The following MUC6 variants were observed in gnomAD, a reference collection of about 807,000 sequenced individuals.
MUC6 encodes the protein mucin-6.
Under a neutral mutation model 201.5 loss-of-function variants are expected in MUC6, and 188 were observed. The observed-to-expected ratio is 0.93, with a 90% CI of 0.83 to 1.05. The LOEUF is 1.05. Among genes scored for constraint, MUC6 ranks in the 50% least tolerant of loss-of-function variants. MUC6 has a pLI of 0.00. For missense variants in MUC6, 2,706 were observed against 3,256.9 expected (o/e 0.83, Z 4.12); for synonymous variants, 1,228 against 1,389.4 (o/e 0.88, Z 2.58).
rs904522843 is a variant in MUC6, at chr11:1,033,438, G to A, written c.53-363C>T. On this transcript the variant is annotated intron_variant, in intron 1 of 32. Transcript: ENST00000421673. This position sits in a 1 kb window ranked among gnomAD's most constrained non-coding sequence, Gnocchi z 5.6. ...CTGGTGCGGGTGGCAGGGGCTTGGC[G>A]GCGGAGCCAACAAAGTGGGCTGTGC... 5.3e-5 allele frequency among the ~76,000 whole-genome samples: 8 copies of A among 152,082 alleles called. No individual in the cohort carries two copies. Among genetic ancestry groups the A allele is most frequent in the Admixed American group, 3.3e-4 (5 of 15,280 alleles).
Position 1,013,380 on chromosome 11 carries a change from G to C in MUC6, c.*76C>G. 1 of 1,420,616 alleles carries C rather than the reference G, an allele frequency of 7.0e-7. No homozygotes were observed. Among genetic ancestry groups the C allele is most frequent in the South Asian group, 1.4e-5 (1 of 72,996 alleles). The allele number at this position is 1,420,616 out of a possible 1,614,324, so 88.0% of individuals were successfully genotyped here. On this transcript the variant is annotated 3_prime_UTR_variant, in exon 33 of 33. Coordinates refer to ENST00000421673, the MANE Select transcript of MUC6 (RefSeq NM_005961.3). ...CAGGAAAGCAGCTGCTGGCACAAGC[G>C]GGAAGGGGGCTGGTGGGTGTTTTCC...
intron 7 of MUC6, 35 bp from the exon 8 acceptor site, chr11:1,030,370 A>ACCCCCCCCCCCCCCCCCCTCCCCC: frequency 5.0e-6 from 5 of 992,834 alleles, no homozygotes; most frequent in African/African-American, 2.4e-5. Context: ...AGAGGGTCCC[A>ACCCCCCCCCCCCCCCCCCTCCCCC]CCCCCCCCAC....
rs549993870 is a variant in MUC6, at chr11:1,026,035, C to T, written c.2653G>A (p.Val885Ile). 28 of 1,589,958 alleles carry T rather than the reference C, an allele frequency of 1.8e-5. No homozygotes were observed. Among genetic ancestry groups the T allele is most frequent in the Middle Eastern group, 1.7e-4 (1 of 6,036 alleles). The change falls in exon 21 of 33, where the codon GTA becomes ATA. Residue 885 changes from valine (V) to isoleucine (I), a missense_variant. This residue lies in a region of MUC6 where 1,850 missense variants were observed against 1,958.3 expected (regional missense o/e 0.94). Coordinates refer to ENST00000421673, the MANE Select transcript of MUC6 (RefSeq NM_005961.3). ...ATGTACTCGCAGTTGCCGTCGAATA[C>T]GAAGCGCTGGCCGTCGAAGGTGATG... is the stretch of plus-strand genomic sequence containing the variant. ...HVITFDGQRFVFDGNCEYILA... is the reference protein window; with the variant it reads ...HVITFDGQRFIFDGNCEYILA...
Position 1,025,923 on chromosome 11 carries a change from G to C in MUC6, c.2689-8C>G. Reference sequence around the variant, plus strand: ...GTTGACACCACAGACGTCCTGCAGGGAGAGGGCGCTGAGGAGGAGCCCTGG... The same window carrying C: ...GTTGACACCACAGACGTCCTGCAGGCAGAGGGCGCTGAGGAGGAGCCCTGG... On this transcript the variant is annotated splice_region_variant and splice_polypyrimidine_tract_variant and intron_variant, in intron 21 of 32. Transcript: ENST00000421673. The C allele has an allele frequency of 6.2e-7, 1 of 1,606,444 alleles. No homozygotes were observed. Among genetic ancestry groups the C allele is most frequent in the Non-Finnish European group, 8.5e-7 (1 of 1,176,908 alleles).
At position 1,018,581 on chromosome 11, in the gene MUC6, T is replaced by C; in HGVS notation, c.4220A>G (p.His1407Arg). ...YTTPQTPHTT[H>R]SPPTAGSPVP... is the part of the protein sequence containing the mutation. ...GGGACTCCCCGCCGTAGGCGGGGAG[T>C]GTGTGGTGTGTGGGGTTTGGGGCGT... Residue 1407 changes from histidine (H) to arginine (R), a missense_variant, in exon 31 of 33, where the codon CAC (histidine) becomes CGC (arginine). Physicochemically the swap from His to Arg is conservative, Grantham distance 29 (BLOSUM62 0). Transcript: ENST00000421673. 9.3e-6 allele frequency: 15 copies of C among 1,610,684 alleles called. No individual in the cohort carries two copies. Among genetic ancestry groups the C allele is most frequent in the Non-Finnish European group, 1.3e-5 (15 of 1,179,062 alleles).
Position 1,026,018 on chromosome 11 carries a change from G to A in MUC6, c.2670C>T (p.Cys890=), listed in dbSNP as rs754352374. Residue 890 remains cysteine, a synonymous_variant, in exon 21 of 33, where the codon TGC becomes TGT. Transcript: ENST00000421673. Reference sequence around the variant, plus strand: ...TGGTTACCGTGGCCAGGATGTACTCGCAGTTGCCGTCGAATACGAAGCGCT... The same window carrying A: ...TGGTTACCGTGGCCAGGATGTACTCACAGTTGCCGTCGAATACGAAGCGCT... ...DGQRFVFDGN[C]EYILATDVCG... 13 of 1,587,508 alleles carry A rather than the reference G, an allele frequency of 8.2e-6. No homozygotes were observed. The highest frequency in any genetic ancestry group is 2.3e-5 in the East Asian group (1 of 43,558).
At position 1,015,353 on chromosome 11, in the gene MUC6, C is replaced by T. The variant is rs73393718; in HGVS notation, c.7039+409G>A. 1.0e-3 allele frequency among the ~76,000 whole-genome samples: 152 copies of T among 152,310 alleles called. 1 individual carries two copies. The highest frequency in any genetic ancestry group is 3.6e-3 in the African/African-American group (149 of 41,566). On this transcript the variant is annotated intron_variant, in intron 31 of 32. Coordinates refer to ENST00000421673, the MANE Select transcript of MUC6 (RefSeq NM_005961.3). ...CCAGACTTTTGTGTCTCTCTCTGCA[C>T]TTGGAGGAAGGGCTGTGCTGCTTGA...
Position 1,018,778 on chromosome 11 carries a change from A to C in MUC6, c.4031-8T>G, listed in dbSNP as rs1232011639. 6.5e-7 allele frequency: 1 copy of C among 1,550,030 alleles called. No homozygotes were observed. Among genetic ancestry groups the C allele is most frequent in the East Asian group, 2.3e-5 (1 of 44,252 alleles). On this transcript the variant is annotated splice_region_variant and splice_polypyrimidine_tract_variant and intron_variant, in intron 30 of 32. Coordinates refer to ENST00000421673, the MANE Select transcript of MUC6 (RefSeq NM_005961.3). ...CCTGATTGGTCGATTTTGCTGTGGG[A>C]ATTGGTGAAGTTGTCATCGTTATTG...
At chr11:1,028,622 C>A in intron 13 of MUC6, 24 bp downstream of exon 13, 7 of 1,601,692 alleles carry the variant, frequency 4.4e-6, no homozygotes, top group Non-Finnish European at 3.4e-6. Flanking sequence ...GGCAACAGGG[C>A]CACCTGGAGA....
At chr11:1,021,099 C>T (rs12798548) in intron 27 of MUC6, 116 bp downstream of exon 27, 77,937 of 1,028,210 alleles carry the variant, frequency 0.076, 3,248 homozygotes, top group Middle Eastern at 0.1. Context: ...AGTCCCAGAG[C>T]TCACGTAAGG....
intron 25 of MUC6, 48 bp from the exon 26 acceptor site, chr11:1,023,700 T>C: frequency 1.9e-6 from 3 of 1,604,514 alleles, no homozygotes; most frequent in Non-Finnish European, 2.6e-6. Context: ...GCCCTGGCCC[T>C]GGCCCTGACC....
chr11:1,020,409 C>T (rs1001715915), intron 28 of MUC6, among the ~76,000 whole-genome samples, 152 bp from the exon 29 acceptor site: 1 of 152,184 alleles, frequency 6.6e-6, no homozygotes, highest in Non-Finnish European at 1.5e-5. Flanking sequence ...CTGAGTGCAG[C>T]CTGGCTCCTG....
At position 1,015,838 on chromosome 11, in the gene MUC6, G is replaced by A. The variant is rs539371657; in HGVS notation, c.6963C>T (p.Ser2321=). 463 of 1,592,524 alleles carry A rather than the reference G, an allele frequency of 2.9e-4. 6 individuals carry two copies. The South Asian group carries it at 5.1e-3, about 17-fold the overall frequency. Residue 2321 remains serine (S), a synonymous_variant, in exon 31 of 33, where the codon AGC becomes AGT. Coordinates refer to ENST00000421673, the MANE Select transcript of MUC6 (RefSeq NM_005961.3). ...GGGTGCTTCCATGGGCAGTGAGGGAGCTGGTCAGGAACCGTGTGGTAGGCG... is the reference window on the plus strand; with the variant it reads ...GGGTGCTTCCATGGGCAGTGAGGGAACTGGTCAGGAACCGTGTGGTAGGCG... ...TLSPTTRFLT[S]SLTAHGSTPA...
Position 1,028,336 on chromosome 11 carries a change from A to C in MUC6, c.1643T>G (p.Met548Arg). 5 of 1,612,614 alleles carry C rather than the reference A, an allele frequency of 3.1e-6. No individual in the cohort carries two copies. In the South Asian group the frequency reaches 4.4e-5, roughly 14 times the overall value. Residue 548 changes from methionine to arginine, a missense_variant, in exon 14 of 33, where the codon ATG becomes AGG. Physicochemically the swap from Met to Arg is moderately conservative, Grantham distance 91. Around this residue, in one of 10 missense-constraint regions of MUC6, gnomAD observed 1,850 missense variants for 1,958.3 expected, o/e 0.94. Transcript: ENST00000421673. Reference sequence around the variant, plus strand: ...CGAGGCGGTGCCCTCGGCGATACCCATGCTAGTGGTGAAGTCATCCGTTGT... The same window carrying C: ...CGAGGCGGTGCCCTCGGCGATACCCCTGCTAGTGGTGAAGTCATCCGTTGT... ...GDTTDDFTTS[M>R]GIAEGTASLF...
At chr11:1,014,621 G>A (rs1010618714) in intron 31 of MUC6, among the ~76,000 whole-genome samples, 7 of 152,318 alleles carry the variant, frequency 4.6e-5, no homozygotes, top group Non-Finnish European at 8.8e-5. Context: ...TGGCAGCGTT[G>A]GCATTAGAAA....
intron 31 of MUC6, among the ~76,000 whole-genome samples, chr11:1,015,186 G>C (rs1294644475): frequency 6.7e-6 from 1 of 150,152 alleles, no homozygotes; most frequent in Non-Finnish European, 1.5e-5. Context: ...CATGGCCTGG[G>C]GAGCAGTGGA....
In MUC6 at chr11:1,030,600, G is replaced by C. The variant is rs201798430; in HGVS notation, c.865C>G (p.Arg289Gly). Residue 289 changes from arginine to glycine, a missense_variant, in exon 7 of 33, where the codon CGC (arginine) becomes GGC (glycine). Physicochemically the swap from Arg to Gly is moderately radical, Grantham distance 125. Around this residue, in one of 10 missense-constraint regions of MUC6, gnomAD observed 1,850 missense variants for 1,958.3 expected, o/e 0.94. Coordinates refer to ENST00000421673, the MANE Select transcript of MUC6 (RefSeq NM_005961.3). ...CACAGGCCGGGGCTCCGCCAGCGGCGGACCGGCTGGCCCACCATGCTGCAC... is the reference window on the plus strand; with the variant it reads ...CACAGGCCGGGGCTCCGCCAGCGGCCGACCGGCTGGCCCACCATGCTGCAC... ...RQCSMVGQPV[R>G]RWRSPGLCSV... is the part of the protein sequence containing the mutation. 54 of 1,528,044 alleles carry C rather than the reference G, an allele frequency of 3.5e-5. No homozygotes were observed. Among genetic ancestry groups the C allele is most frequent in the Non-Finnish European group, 4.6e-5 (52 of 1,137,586 alleles). 94.7% of individuals were successfully genotyped at this position (1,528,044 alleles called of 1,614,324 possible).
Position 1,012,937 on chromosome 11 carries a change from C to CG in MUC6, c.*518dup, listed in dbSNP as rs1564828825. The CG allele has an allele frequency of 6.4e-6, 1 of 155,802 alleles. No individual in the cohort carries two copies. Among genetic ancestry groups the CG allele is most frequent in the African/African-American group, 2.4e-5 (1 of 41,496 alleles). 9.7% of individuals were successfully genotyped at this position (155,802 alleles called of 1,614,324 possible). A position where few individuals can be genotyped will look rare whatever the true frequency, so the allele number is the denominator to read the frequency against. On this transcript the variant is annotated 3_prime_UTR_variant, in exon 33 of 33. Coordinates refer to ENST00000421673, the MANE Select transcript of MUC6 (RefSeq NM_005961.3). ...TGGGGGCCTTCTGCCTGGCTGGGAG[C>CG]GGGGGCGGCTGCCCTGCCCTCGCTG...
chr11:1,028,042 G>A lies in MUC6; in HGVS notation c.1771C>T (p.His591Tyr), dbSNP rs1345205539. ...CCTGTCCTCAGCAGCATGGAGCAGT[G>A]GGTCTCTGCACACACCTCTGGGGAT... ...SQLNKVCAET[H>Y]CSMLLRTGTV... is the part of the protein sequence containing the mutation. Residue 591 changes from histidine to tyrosine, a missense_variant, in exon 15 of 33, where the codon CAC (histidine) becomes TAC (tyrosine). Transcript: ENST00000421673. 6.3e-7 allele frequency: 1 copy of A among 1,578,704 alleles called. No individual in the cohort carries two copies. The highest frequency in any genetic ancestry group is 8.6e-7 in the Non-Finnish European group (1 of 1,162,658).
Sources: allele counts gnomAD v4.1 joint callset (sites outside exome capture counted in the v4.1 genomes callset), GRCh38; gene constraint gnomAD v4.1.1; regional missense constraint gnomAD v4.1.1; non-coding constraint Gnocchi (gnomAD v3.1); transcripts MANE v1.5; gene names NCBI Gene and HGNC (gene_info 2026-07-23, HGNC 2026-07-21).